DZIP1: variants seen among roughly 807,000 people sequenced by gnomAD.
The protein encoded by DZIP1 is cilium assembly protein DZIP1.
A neutral mutation model predicts 107.6 loss-of-function variants in DZIP1; 97 were observed. That is an observed-to-expected ratio of 0.90 (90% CI 0.77 to 1.07). The LOEUF (loss-of-function observed/expected upper bound fraction) is 1.07. Among genes scored for constraint, DZIP1 ranks in the 50% least tolerant of loss-of-function variants. The pLI is 0.00. For synonymous variants in DZIP1, 390 were observed against 386.4 expected (o/e 1.01, Z -0.11); for missense variants, 1,035 against 1,063.6 (o/e 0.97, Z 0.37).
chr13:95,606,809 C>T (rs1222843783), intron 13 of DZIP1, among the ~76,000 whole-genome samples: 2 of 152,198 alleles, frequency 1.3e-5, no homozygotes, highest in African/African-American at 4.8e-5. Flanking sequence ...GTTTACCTAA[C>T]TTAAGTAAGA....
chr13:95,617,920 G>A (rs1875332641), intron 10 of DZIP1: 1 of 517,470 alleles, frequency 1.9e-6, no homozygotes, highest in African/African-American at 2.0e-5. Context: ...GATTGAGAGA[G>A]AAAGGTGGAA....
chr13:95,610,834 G>A (rs905949462), intron 12 of DZIP1, among the ~76,000 whole-genome samples: 1 of 152,118 alleles, frequency 6.6e-6, no homozygotes, highest in African/African-American at 2.4e-5. Flanking sequence ...TTAAAAAGAT[G>A]CGTTTGACCC....
intron 6 of DZIP1, 49 bp downstream of exon 6, chr13:95,633,185 A>G (rs950045139): frequency 1.1e-5 from 17 of 1,546,806 alleles, no homozygotes; most frequent in Non-Finnish European, 1.5e-5. Context: ...TTGCCAAAAG[A>G]AAAAGGGAGC....
At chr13:95,602,768 T>C (rs1419876092) in intron 14 of DZIP1, among the ~76,000 whole-genome samples, 1 of 152,188 alleles carries the variant, frequency 6.6e-6, no homozygotes, top group Non-Finnish European at 1.5e-5. Context: ...CACTCTCCTT[T>C]AGAGGGTGGA....
chr13:95,603,000 CATA>C (rs1594673684), intron 14 of DZIP1, among the ~76,000 whole-genome samples: 1 of 152,126 alleles, frequency 6.6e-6, no homozygotes. Flanking sequence ...GAGAACAAAA[CATA>C]ATAATAATTG....
intron 8 of DZIP1, among the ~76,000 whole-genome samples, chr13:95,622,727 A>G (rs1876043170): frequency 6.7e-6 from 1 of 148,378 alleles, no homozygotes; most frequent in East Asian, 2.0e-4. Flanking sequence ...TAACTTTCTA[A>G]TCTTAAACGA....
chr13:95,587,888 G>C (rs1276154019), intron 19 of DZIP1, 159 bp from the exon 20 acceptor site: 2 of 840,472 alleles, frequency 2.4e-6, no homozygotes, highest in Non-Finnish European at 3.6e-6. Flanking sequence ...GGCGAGGCCA[G>C]AGGTTATACC....
chr13:95,638,522 C>T (rs759605554), intron 5 of DZIP1, among the ~76,000 whole-genome samples: 1 of 152,216 alleles, frequency 6.6e-6, no homozygotes, highest in South Asian at 2.1e-4. Context: ...TAAAATCCCC[C>T]ATATATGGGT....
At position 95,581,549 on chromosome 13, in the gene DZIP1, A is replaced by G. The variant is rs1239231507; in HGVS notation, c.*685T>C. On this transcript the variant is annotated 3_prime_UTR_variant, in exon 23 of 23. Coordinates refer to ENST00000376829, the MANE Select transcript of DZIP1 (RefSeq NM_198968.4). ...TGACAAATGTACTCCAGGAAAATGT[A>G]TTTAACATTGGACCTAGCTATATTC... 1 of 152,234 alleles carries G rather than the reference A, an allele frequency of 6.6e-6. No homozygotes were observed. The highest frequency in any genetic ancestry group is 2.4e-5 in the African/African-American group (1 of 41,456). 9.4% of individuals were successfully genotyped at this position (152,234 alleles called of 1,614,324 possible). A position where few individuals can be genotyped will look rare whatever the true frequency, so the allele number is the denominator to read the frequency against.
At position 95,624,928 on chromosome 13, in the gene DZIP1, T is replaced by C; in HGVS notation, c.812A>G (p.Glu271Gly). The part of the protein sequence containing the change: ...HHASAVRFSK[E>G]YEMQKTKEED... ...CTCTTTTGTTTTCTGCATTTCATATTCCTGAAATTATTTTAATACACATCT... is the reference window on the plus strand; with the variant it reads ...CTCTTTTGTTTTCTGCATTTCATATCCCTGAAATTATTTTAATACACATCT... Residue 271 changes from glutamate to glycine, a missense_variant and splice_region_variant, in exon 8 of 23, where the codon GAA (glutamate) becomes GGA (glycine). Glu to Gly is a moderately conservative substitution (Grantham distance 98). Transcript: ENST00000376829. 6.3e-7 allele frequency: 1 copy of C among 1,592,042 alleles called. No homozygotes were observed. Among genetic ancestry groups the C allele is most frequent in the Non-Finnish European group, 8.5e-7 (1 of 1,172,988 alleles).
chr13:95,595,902 C>T (rs145596008), intron 15 of DZIP1, among the ~76,000 whole-genome samples: 2 of 152,254 alleles, frequency 1.3e-5, no homozygotes, highest in Admixed American at 6.5e-5. Context: ...AAGCCTTTGC[C>T]GTTAGTTGTT....
intron 6 of DZIP1, among the ~76,000 whole-genome samples, chr13:95,633,024 G>A (rs1033140295): frequency 6.6e-6 from 1 of 152,174 alleles, no homozygotes; most frequent in African/African-American, 2.4e-5. Context: ...ACTCGAGAGA[G>A]AGTGGGGCTT....
At chr13:95,591,180 C>T (rs1222913113) in intron 16 of DZIP1, among the ~76,000 whole-genome samples, 1 of 151,972 alleles carries the variant, frequency 6.6e-6, no homozygotes, top group Non-Finnish European at 1.5e-5. Context: ...AGGCACCCGC[C>T]ACCACGCCCA....
intron 15 of DZIP1, among the ~76,000 whole-genome samples, chr13:95,594,393 A>C (rs1472831166): frequency 6.6e-6 from 1 of 152,186 alleles, no homozygotes; most frequent in African/African-American, 2.4e-5. Flanking sequence ...TAGGAGTTTA[A>C]TGTTTTATCA....
At chr13:95,607,799 A>T (rs1332226944) in intron 13 of DZIP1, among the ~76,000 whole-genome samples, 1 of 152,254 alleles carries the variant, frequency 6.6e-6, no homozygotes, top group East Asian at 1.9e-4. Flanking sequence ...TACAGAATTC[A>T]TTCCCTTATT....
chr13:95,626,517 T>G lies in DZIP1; in HGVS notation c.811-1588A>C, dbSNP rs141715707. ...CAATACAAAGGAAATTTCAATAGAC[T>G]TTCAATAAATAAAGGGATAGAGTTA... is the stretch of plus-strand genomic sequence containing the variant. On this transcript the variant is annotated intron_variant, in intron 7 of 22. Coordinates refer to ENST00000376829, the MANE Select transcript of DZIP1 (RefSeq NM_198968.4). 4.4e-3 allele frequency among the ~76,000 whole-genome samples: 669 copies of G among 152,224 alleles called. 8 individuals carry two copies. The highest frequency in any genetic ancestry group is 0.015 in the African/African-American group (643 of 41,530).
Position 95,624,819 on chromosome 13 carries a change from C to T in DZIP1, c.921G>A (p.Met307Ile), listed in dbSNP as rs774414204. 3.1e-6 allele frequency: 5 copies of T among 1,610,488 alleles called. No homozygotes were observed. The African/African-American group carries it at 6.7e-5, about 21-fold the overall frequency. ...LVDEMEKVKEMFMKEFKELTS... is the reference protein window; with the variant it reads ...LVDEMEKVKEIFMKEFKELTS... ...TTAATTCTTTAAATTCCTTCATAAA[C>T]ATCTCCTTGACTTTTTCCATTTCAT... The change falls in exon 8 of 23, where the codon ATG (methionine) becomes ATA (isoleucine). Residue 307 changes from methionine (M) to isoleucine (I), a missense_variant. Coordinates refer to ENST00000376829, the MANE Select transcript of DZIP1 (RefSeq NM_198968.4).
In DZIP1 at chr13:95,644,518, C is replaced by T. The variant is rs572380845; in HGVS notation, c.-667G>A. 1 of 153,132 alleles carries T rather than the reference C, an allele frequency of 6.5e-6. No individual in the cohort carries two copies. The highest frequency in any genetic ancestry group is 1.5e-5 in the Non-Finnish European group (1 of 68,744). The allele number at this position is 153,132 out of a possible 1,614,324, so 9.5% of individuals were successfully genotyped here. A position where few individuals can be genotyped will look rare whatever the true frequency, so the allele number is the denominator to read the frequency against. ...AGCAAAGCGGAGAGAGGCAGGCCGG[C>T]TCCTTCTTGCAGGGCGCAGGATGAA... On this transcript the variant is annotated 5_prime_UTR_variant, in exon 1 of 23. Transcript: ENST00000376829.
chr13:95,599,380 A>G lies in DZIP1; in HGVS notation c.1522T>C (p.Ser508Pro). The stretch of plus-strand genomic sequence containing the variant: ...CCTTTGTTACCTTTTTCTTCCTCTG[A>G]AAGTTCTTCTATTGGTTCCAGTATG... ...SHILEPIEEL[S>P]EEEKGRENEQ... is the part of the protein sequence containing the mutation. Residue 508 changes from serine (S) to proline (P), a missense_variant, in exon 15 of 23, where the codon TCA becomes CCA. Ser to Pro is a moderately conservative substitution (Grantham distance 74). Coordinates refer to ENST00000376829, the MANE Select transcript of DZIP1 (RefSeq NM_198968.4). The G allele has an allele frequency of 1.2e-6, 2 of 1,613,822 alleles. No homozygotes were observed. Among genetic ancestry groups the G allele is most frequent in the South Asian group, 1.1e-5 (1 of 91,068 alleles).
Sources: gnomAD v4.1 joint callset for allele counts (sites outside exome capture counted in the v4.1 genomes callset) on GRCh38, gnomAD v4.1.1 for gene constraint, MANE v1.5 for transcripts, NCBI Gene and HGNC (gene_info 2026-07-23, HGNC 2026-07-21) for gene names.